Variants in UNC13C observed in about 807,000 individuals in gnomAD.
The protein encoded by UNC13C is protein unc-13 homolog C.
UNC13C carries 174 observed loss-of-function variants against 245.4 expected under a neutral mutation model. The ratio of observed to expected loss-of-function variants is 0.71; its 90% CI spans 0.63 to 0.80. The LOEUF (loss-of-function observed/expected upper bound fraction) is 0.80. Among genes scored for constraint, UNC13C ranks in the 30% least tolerant of loss-of-function variants. The pLI is 0.00. For synonymous variants in UNC13C, 992 were observed against 895.1 expected (o/e 1.11, Z -1.93); for missense variants, 2,829 against 2,602.9 (o/e 1.09, Z -1.89).
At chr15:53,878,723 A>T in the UNC13C span, among the ~76,000 whole-genome samples, 1 of 152,216 alleles carries the variant, frequency 6.6e-6, no homozygotes, top group Non-Finnish European at 1.5e-5. Context: ...TGCCATAATG[A>T]TGATATTCCT....
the UNC13C span, among the ~76,000 whole-genome samples, chr15:53,936,270 G>T: frequency 6.6e-6 from 1 of 152,106 alleles, no homozygotes; most frequent in Non-Finnish European, 1.5e-5. Flanking sequence ...TGGCCAGACT[G>T]CTCCTTTAAG....
chr15:54,116,573 C>G (rs1197800240), intron 2 of UNC13C, among the ~76,000 whole-genome samples: 3 of 152,098 alleles, frequency 2.0e-5, no homozygotes, highest in African/African-American at 7.2e-5. Flanking sequence ...ATAATAACTT[C>G]CAGTTTCATC....
intron 19 of UNC13C, among the ~76,000 whole-genome samples, chr15:54,475,028 C>G (rs530464202): frequency 6.6e-4 from 100 of 152,058 alleles, no homozygotes; most frequent in African/African-American, 2.4e-3. Context: ...CAAACACCTC[C>G]TATTAGGCCC....
the UNC13C span, among the ~76,000 whole-genome samples, chr15:53,851,717 C>A: frequency 6.6e-6 from 1 of 152,112 alleles, no homozygotes; most frequent in Non-Finnish European, 1.5e-5. Flanking sequence ...TAGATCATGC[C>A]CTTTTTGTCC....
At chr15:53,948,955 T>C in the UNC13C span, among the ~76,000 whole-genome samples, 22 of 152,294 alleles carry the variant, frequency 1.4e-4, no homozygotes, top group Middle Eastern at 3.4e-3. Context: ...GGATAAACCA[T>C]TAAAGGTATT....
At chr15:54,606,917 A>G (rs1369795400) in intron 30 of UNC13C, among the ~76,000 whole-genome samples, 2 of 152,190 alleles carry the variant, frequency 1.3e-5, no homozygotes, top group Admixed American at 6.5e-5. Context: ...AAATATATGT[A>G]TTTTGTATGC....
At chr15:53,863,952 T>C in the UNC13C span, among the ~76,000 whole-genome samples, 1 of 152,204 alleles carries the variant, frequency 6.6e-6, no homozygotes, top group African/African-American at 2.4e-5. Flanking sequence ...CACCACTTTG[T>C]TAAGACAACT....
chr15:54,260,180 A>T (rs1024021550), intron 8 of UNC13C, among the ~76,000 whole-genome samples: 1 of 152,336 alleles, frequency 6.6e-6, no homozygotes, highest in East Asian at 1.9e-4. Flanking sequence ...ATATGCAGGT[A>T]GCTATGTCAA....
intron 14 of UNC13C, among the ~76,000 whole-genome samples, chr15:54,329,021 C>T (rs1009296398): frequency 2.0e-5 from 3 of 150,964 alleles, no homozygotes; most frequent in Admixed American, 6.6e-5. Context: ...TACTAACTAG[C>T]CCTTTGTAGA....
intron 2 of UNC13C, among the ~76,000 whole-genome samples, chr15:54,132,140 C>T (rs549050052): frequency 6.9e-5 from 10 of 145,716 alleles, no homozygotes; most frequent in South Asian, 2.1e-4. Context: ...AATCTAGGCT[C>T]ACTGCAAGCT....
At chr15:54,061,115 A>G (rs1897809504) in intron 2 of UNC13C, among the ~76,000 whole-genome samples, 2 of 3,332 alleles carry the variant, frequency 6.0e-4, no homozygotes, top group Admixed American at 6.0e-3. Context: ...CTTAAAGTAT[A>G]ATAATAATAA....
At chr15:54,077,355 CCTTTTCTTTT>C (rs1257535671) in intron 2 of UNC13C, among the ~76,000 whole-genome samples, 8 of 124,344 alleles carry the variant, frequency 6.4e-5, no homozygotes, top group African/African-American at 2.4e-4. Context: ...TTTTATTTTT[CCTTTTCTTTT>C]CTTTTCTTTT....
chr15:54,524,268 A>G (rs752968266), intron 24 of UNC13C, among the ~76,000 whole-genome samples: 6 of 152,296 alleles, frequency 3.9e-5, no homozygotes, highest in Non-Finnish European at 8.8e-5. Context: ...AGAAGTCTCT[A>G]TCTGTTATGG....
At chr15:53,998,569 C>T (rs1207929999) in intron 1 of UNC13C, among the ~76,000 whole-genome samples, 1 of 152,030 alleles carries the variant, frequency 6.6e-6, no homozygotes, top group Non-Finnish European at 1.5e-5. Context: ...TGGAAAAATG[C>T]AATTTAATTT....
At chr15:54,062,486 C>T (rs994515496) in intron 2 of UNC13C, among the ~76,000 whole-genome samples, 1 of 152,220 alleles carries the variant, frequency 6.6e-6, no homozygotes, top group East Asian at 1.9e-4. Flanking sequence ...CTTCTTTTCA[C>T]AAAACTCAAC....
chr15:53,931,661 A>G, the UNC13C span, among the ~76,000 whole-genome samples: 2 of 152,066 alleles, frequency 1.3e-5, no homozygotes, highest in Non-Finnish European at 1.5e-5. Flanking sequence ...TTTAAAATAC[A>G]TGGTTGAGAC....
intron 19 of UNC13C, chr15:54,416,805 A>G: frequency 2.3e-6 from 1 of 429,418 alleles, no homozygotes; most frequent in Non-Finnish European, 4.7e-6. Flanking sequence ...TGTTCCCTAT[A>G]GCAGTTATTG....
At chr15:54,601,505 C>G (rs1292023998) in intron 30 of UNC13C, among the ~76,000 whole-genome samples, 5 of 152,170 alleles carry the variant, frequency 3.3e-5, no homozygotes. Context: ...AAAAGACAGA[C>G]ACAAAATGTG....
chr15:54,546,924 AT>A, intron 27 of UNC13C, 79 bp downstream of exon 27: 3 of 1,266,922 alleles, frequency 2.4e-6, no homozygotes, highest in African/African-American at 1.6e-5. Flanking sequence ...TCCAGATGAA[AT>A]ACTAATTAAA....
Sources: allele counts gnomAD v4.1 joint callset (sites outside exome capture counted in the v4.1 genomes callset), GRCh38; gene constraint gnomAD v4.1.1; transcripts MANE v1.5; gene names NCBI Gene and HGNC (gene_info 2026-07-23, HGNC 2026-07-21).